SFTPD: variants seen among roughly 807,000 people sequenced by gnomAD.
SFTPD encodes pulmonary surfactant-associated protein D.
In SFTPD, 18 loss-of-function variants were observed where a neutral mutation model predicts 34.6. The observed-to-expected ratio is 0.52, with a 90% CI of 0.36 to 0.77. SFTPD has a LOEUF of 0.77. SFTPD is among the 30% of genes least tolerant of loss of function. The pLI is 0.00. For synonymous variants in SFTPD, 155 were observed against 180.9 expected (o/e 0.86, Z 1.15); for missense variants, 433 against 468.9 (o/e 0.92, Z 0.71).
chr10:79,942,579 A>T (rs1842625107), intron 3 of SFTPD, 75 bp from the exon 4 acceptor site: 4 of 1,062,234 alleles, frequency 3.8e-6, no homozygotes, highest in Non-Finnish European at 5.9e-6. Flanking sequence ...GGTGAGGGTA[A>T]TAACAGAGGT....
chr10:79,942,226 G>A (rs1023437645), intron 4 of SFTPD, among the ~76,000 whole-genome samples, 156 bp from the exon 5 acceptor site: 1 of 152,198 alleles, frequency 6.6e-6, no homozygotes, highest in African/African-American at 2.4e-5. Flanking sequence ...GAGGGTGAGA[G>A]GAAAATATTG....
Position 79,946,572 on chromosome 10 carries a change from T to C in SFTPD, c.88A>G (p.Thr30Ala), listed in dbSNP as rs753941652. 6.2e-7 allele frequency: 1 copy of C among 1,614,200 alleles called. No individual in the cohort carries two copies. The highest frequency in any genetic ancestry group is 8.5e-7 in the Non-Finnish European group (1 of 1,180,008). ...ACCAGGGTGCAAGCACTGGGCATTG[T>C]TCTGTGGGAGTAGGTCTTCATTTCT... The part of the protein sequence containing the change: ...EAEMKTYSHR[T>A]MPSACTLVMC... Residue 30 changes from threonine to alanine, a missense_variant, in exon 2 of 8, where the codon ACA becomes GCA. Coordinates refer to ENST00000372292, the MANE Select transcript of SFTPD (RefSeq NM_003019.5).
intron 7 of SFTPD, among the ~76,000 whole-genome samples, chr10:79,940,371 T>C (rs553442194): frequency 6.6e-6 from 1 of 152,326 alleles, no homozygotes; most frequent in South Asian, 2.1e-4. Flanking sequence ...TGGTGGGTAG[T>C]TCAGGAGCCT....
In SFTPD at chr10:79,942,510, C is replaced by G. The variant is rs765983982; in HGVS notation, c.317-6G>C. ...ACCGGGAGGTCCTGGAGGTCCTGAG[C>G]AAAAGCACCAGCCCGGTCAGTAACA... On this transcript the variant is annotated splice_region_variant and splice_polypyrimidine_tract_variant and intron_variant, in intron 3 of 7. Coordinates refer to ENST00000372292, the MANE Select transcript of SFTPD (RefSeq NM_003019.5). The G allele has an allele frequency of 3.8e-6, 6 of 1,574,548 alleles. No individual in the cohort carries two copies. In the South Asian group the frequency reaches 4.4e-5, roughly 12 times the overall value.
upstream of SFTPD, among the ~76,000 whole-genome samples, chr10:79,949,343 CTG>C (rs1401563048): frequency 2.0e-5 from 3 of 152,188 alleles, no homozygotes; most frequent in Admixed American, 6.5e-5. Context: ...CACTGCAGCT[CTG>C]TGAATTAAGT....
chr10:79,939,251 C>T (rs937821093), intron 7 of SFTPD, among the ~76,000 whole-genome samples: 4 of 152,206 alleles, frequency 2.6e-5, no homozygotes, highest in African/African-American at 9.6e-5. Context: ...AAATCTTCCG[C>T]AAAGGACACT....
upstream of SFTPD, among the ~76,000 whole-genome samples, chr10:79,953,238 G>T (rs185166201): frequency 2.0e-5 from 3 of 152,334 alleles, no homozygotes; most frequent in East Asian, 5.8e-4. Context: ...ATACTTTTGT[G>T]TGCATTTGTG....
In SFTPD at chr10:79,937,864, GACC is replaced by G; in HGVS notation, c.1113_1115del (p.Val372del). Reference sequence around the variant, plus strand: ...CACCCCAGTTGGCTCAGAACTCGCAGACCACAAGACGCTTTTCTCCACAAGCCC... The same window carrying G: ...CACCCCAGTTGGCTCAGAACTCGCAGACAAGACGCTTTTCTCCACAAGCCC... On this transcript the variant is annotated inframe_deletion, in exon 8 of 8. Coordinates refer to ENST00000372292, the MANE Select transcript of SFTPD (RefSeq NM_003019.5). 2 of 1,541,016 alleles carry G rather than the reference GACC, an allele frequency of 1.3e-6. No homozygotes were observed. Among genetic ancestry groups the G allele is most frequent in the Non-Finnish European group, 1.8e-6 (2 of 1,139,308 alleles).
At chr10:79,942,306 T>G (rs1842621366) in intron 4 of SFTPD, 82 bp downstream of exon 4, 8 of 984,230 alleles carry the variant, frequency 8.1e-6, no homozygotes, top group Non-Finnish European at 1.3e-5. Flanking sequence ...TCCCTGGCAC[T>G]CTGAGCACGC....
At chr10:79,950,891 T>C (rs901199826), upstream of SFTPD, 1 of 152,112 alleles carries the variant, frequency 6.6e-6, no homozygotes, top group African/African-American at 2.4e-5. Context: ...AATTTATTTT[T>C]TCTGTATTTC....
chr10:79,951,336 A>T, upstream of SFTPD, among the ~76,000 whole-genome samples: 1 of 151,740 alleles, frequency 6.6e-6, no homozygotes, highest in South Asian at 2.1e-4. Flanking sequence ...TTTTGAACTT[A>T]CTCTCATTTG....
intron 1 of SFTPD, among the ~76,000 whole-genome samples, chr10:79,965,538 TC>T (rs1357227271): frequency 1.3e-4 from 3 of 23,052 alleles, no homozygotes; most frequent in Admixed American, 2.9e-4. Flanking sequence ...ATTTTATTTT[TC>T]TTTTTTTTTT....
In SFTPD at chr10:79,938,046, A is replaced by C. The variant is rs1429090881; in HGVS notation, c.934T>G (p.Phe312Val). 4 of 1,613,990 alleles carry C rather than the reference A, an allele frequency of 2.5e-6. No homozygotes were observed. The South Asian group carries it at 4.4e-5, about 18-fold the overall frequency. The change falls in exon 8 of 8, where the codon TTC becomes GTC. Residue 312 changes from phenylalanine to valine, a missense_variant. Transcript: ENST00000372292. ...GTCTTGGAATCAGTCATGCTCAGGAAAGCAGCCTCGTTCTTAGCTACGACC... is the reference window on the plus strand; with the variant it reads ...GTCTTGGAATCAGTCATGCTCAGGACAGCAGCCTCGTTCTTAGCTACGACC... ...QLVVAKNEAAFLSMTDSKTEG... is the reference protein window; with the variant it reads ...QLVVAKNEAAVLSMTDSKTEG...
chr10:79,957,935 G>A (rs2132511641), intron 1 of SFTPD, among the ~76,000 whole-genome samples: 1 of 152,350 alleles, frequency 6.6e-6, no homozygotes, highest in East Asian at 1.9e-4. Context: ...AAGCCCATCA[G>A]ACCAACAGTG....
chr10:79,945,895 A>C (rs1420718853), intron 2 of SFTPD, among the ~76,000 whole-genome samples: 3 of 152,130 alleles, frequency 2.0e-5, no homozygotes, highest in Admixed American at 6.5e-5. Context: ...CTGTCGAAGG[A>C]GATTAATATG....
intron 7 of SFTPD, among the ~76,000 whole-genome samples, chr10:79,939,096 G>A (rs769079100): frequency 2.0e-5 from 3 of 151,402 alleles, no homozygotes; most frequent in African/African-American, 4.8e-5. Flanking sequence ...AAGCTGTTGC[G>A]TGGGCAAGGG....
At chr10:79,978,098 T>G (rs1842872402) in intron 1 of SFTPD, among the ~76,000 whole-genome samples, 1 of 152,234 alleles carries the variant, frequency 6.6e-6, no homozygotes, top group Admixed American at 6.5e-5. Context: ...TTGGTTTTTA[T>G]CAGATGATAT....
At chr10:79,974,524 T>C (rs1374570210) in intron 1 of SFTPD, among the ~76,000 whole-genome samples, 1 of 152,100 alleles carries the variant, frequency 6.6e-6, no homozygotes, top group African/African-American at 2.4e-5. Context: ...TTTTCAAGAG[T>C]GATGTGATCA....
chr10:79,957,082 C>T (rs1429812688), intron 1 of SFTPD, among the ~76,000 whole-genome samples: 4 of 151,900 alleles, frequency 2.6e-5, no homozygotes, highest in South Asian at 2.1e-4. Flanking sequence ...AGACCTGCAG[C>T]TGAGGGTCCT....
Sources: gnomAD v4.1 joint callset for allele counts (sites outside exome capture counted in the v4.1 genomes callset) on GRCh38, gnomAD v4.1.1 for gene constraint, MANE v1.5 for transcripts, NCBI Gene and HGNC (gene_info 2026-07-23, HGNC 2026-07-21) for gene names.